Variants in SMYD3 observed in about 807,000 individuals in gnomAD.
SMYD3 encodes SET and MYND domain containing 3.
SMYD3 carries 36 observed loss-of-function variants against 57.7 expected under a neutral mutation model. The ratio of observed to expected loss-of-function variants is 0.62; its 90% CI spans 0.48 to 0.82. The LOEUF (loss-of-function observed/expected upper bound fraction) is 0.82. SMYD3 is among the 40% of genes least tolerant of loss of function. The probability of loss-of-function intolerance (pLI) is 0.00; values close to 1 mark genes in which losing one functional copy is unlikely to be tolerated. For missense variants in SMYD3, 515 were observed against 538.8 expected, an observed-to-expected ratio of 0.96 and a Z score of 0.44; for synonymous variants, 211 against 195.0, an observed-to-expected ratio of 1.08 and a Z score of -0.68.
chr1:246,362,873 CCGG>C (rs1410373148), intron 1 of SMYD3, among the ~76,000 whole-genome samples: 4 of 152,046 alleles, frequency 2.6e-5, no homozygotes, highest in African/African-American at 4.8e-5. Context: ...CAGCCTCTGC[CCGG>C]CCGCCACCCC....
At chr1:246,410,809 T>C (rs1026189421) in intron 1 of SMYD3, among the ~76,000 whole-genome samples, 36 of 152,112 alleles carry the variant, frequency 2.4e-4, no homozygotes, top group African/African-American at 8.7e-4. Context: ...CTGGACTTTT[T>C]TTGGTTGGTA....
chr1:246,473,669 AT>A (rs1331465167), intron 1 of SMYD3, among the ~76,000 whole-genome samples: 1 of 152,190 alleles, frequency 6.6e-6, no homozygotes, highest in Non-Finnish European at 1.5e-5. Flanking sequence ...TTTATGACAT[AT>A]TGTTATTATT....
At chr1:245,851,952 T>C (rs1001894718) in intron 10 of SMYD3, among the ~76,000 whole-genome samples, 3 of 152,168 alleles carry the variant, frequency 2.0e-5, no homozygotes, top group Non-Finnish European at 4.4e-5. Context: ...AAGCAATGAA[T>C]GGGTCACCTC....
At chr1:246,354,806 T>C (rs1452344088) in intron 2 of SMYD3, among the ~76,000 whole-genome samples, 3 of 152,188 alleles carry the variant, frequency 2.0e-5, no homozygotes, top group African/African-American at 7.2e-5. Flanking sequence ...TACTTTCACA[T>C]AGTAGACATA....
At chr1:246,336,448 G>T (rs954125616) in intron 2 of SMYD3, among the ~76,000 whole-genome samples, 4 of 151,930 alleles carry the variant, frequency 2.6e-5, no homozygotes, top group Non-Finnish European at 2.9e-5. Context: ...TCAATTTCTG[G>T]GTCTACAAAA....
chr1:246,034,459 A>G lies in SMYD3; in HGVS notation c.532-104522T>C, dbSNP rs1258446604. Reference sequence around the variant, plus strand: ...CAAAAAAGATGAATCAAGGCCAAAAATTAATTGGCATGCTCTTTTACAGAC... The same window carrying G: ...CAAAAAAGATGAATCAAGGCCAAAAGTTAATTGGCATGCTCTTTTACAGAC... On this transcript the variant is annotated intron_variant, in intron 5 of 11. Coordinates refer to ENST00000490107, the MANE Select transcript of SMYD3 (RefSeq NM_001167740.2). The G allele has an allele frequency of 4.6e-5, 7 of 152,358 alleles. No individual in the cohort carries two copies. The East Asian group carries it at 1.3e-3, about 29-fold the overall frequency. 9.4% of individuals were successfully genotyped at this position (152,358 alleles called of 1,614,324 possible). A position where few individuals can be genotyped will look rare whatever the true frequency, so the allele number is the denominator to read the frequency against.
chr1:246,252,409 T>C (rs990050273), intron 5 of SMYD3, among the ~76,000 whole-genome samples: 2 of 152,228 alleles, frequency 1.3e-5, no homozygotes, highest in African/African-American at 4.8e-5. Flanking sequence ...TTATAACCAT[T>C]TGACAGATAA....
intron 3 of SMYD3, among the ~76,000 whole-genome samples, chr1:246,333,663 C>T (rs2065496385): frequency 6.6e-6 from 1 of 151,884 alleles, no homozygotes; most frequent in South Asian, 2.1e-4. Context: ...TTCTTGAGCC[C>T]AGGAGTTTGA....
chr1:245,940,432 C>A (rs1025696098), intron 5 of SMYD3, among the ~76,000 whole-genome samples: 1 of 152,164 alleles, frequency 6.6e-6, no homozygotes, highest in Non-Finnish European at 1.5e-5. Flanking sequence ...GAGGAAGGGG[C>A]AGGCAGCCAT....
intron 5 of SMYD3, among the ~76,000 whole-genome samples, chr1:246,045,857 A>C (rs2059954868): frequency 6.6e-6 from 1 of 152,260 alleles, no homozygotes; most frequent in African/African-American, 2.4e-5. Context: ...TTATGCAGCC[A>C]ACAGACACAT....
At chr1:246,109,967 G>A (rs1049007346) in intron 5 of SMYD3, 2 of 152,222 alleles carry the variant, frequency 1.3e-5, no homozygotes, top group African/African-American at 4.8e-5. Context: ...TTGAGATAAG[G>A]ATAGGAGCTG....
chr1:246,151,058 C>G (rs2061933889), intron 5 of SMYD3, among the ~76,000 whole-genome samples: 1 of 152,038 alleles, frequency 6.6e-6, no homozygotes, highest in Admixed American at 6.5e-5. Flanking sequence ...CCAGCCTGGC[C>G]AAGATGGTGA....
intron 5 of SMYD3, among the ~76,000 whole-genome samples, chr1:246,174,158 G>A (rs1171332016): frequency 6.6e-6 from 1 of 151,968 alleles, no homozygotes; most frequent in Non-Finnish European, 1.5e-5. Context: ...AAGGATAAAA[G>A]TATAATATAG....
chr1:246,098,385 G>A lies in SMYD3; in HGVS notation c.532-168448C>T, dbSNP rs1034372069. 2.6e-5 allele frequency among the ~76,000 whole-genome samples: 4 copies of A among 152,162 alleles called. 1 individual carries two copies. Among genetic ancestry groups the A allele is most frequent in the African/African-American group, 9.7e-5 (4 of 41,434 alleles). On this transcript the variant is annotated intron_variant, in intron 5 of 11. Coordinates refer to ENST00000490107, the MANE Select transcript of SMYD3 (RefSeq NM_001167740.2). ...CGTTCGAAATCCTGCTGTGTGAAGA[G>A]GGTTCAGAGAGGCCAAAAGGCACCA...
At chr1:246,455,056 G>A (rs547087770) in intron 1 of SMYD3, among the ~76,000 whole-genome samples, 1 of 152,160 alleles carries the variant, frequency 6.6e-6, no homozygotes, top group Non-Finnish European at 1.5e-5. Flanking sequence ...TTATGATGCT[G>A]TGCTCAGTGC....
At chr1:246,208,633 G>A (rs867612714) in intron 5 of SMYD3, among the ~76,000 whole-genome samples, 10 of 152,238 alleles carry the variant, frequency 6.6e-5, no homozygotes, top group Admixed American at 2.0e-4. Context: ...AAAAACATAC[G>A]TCTAGAAAAC....
chr1:246,063,795 A>G (rs1166919387), intron 5 of SMYD3, among the ~76,000 whole-genome samples: 1 of 152,016 alleles, frequency 6.6e-6, no homozygotes, highest in Non-Finnish European at 1.5e-5. Flanking sequence ...GCATGCCACC[A>G]TGCCTGGCTA....
chr1:246,246,984 TA>T (rs2063714980), intron 5 of SMYD3, among the ~76,000 whole-genome samples: 1 of 152,196 alleles, frequency 6.6e-6, no homozygotes, highest in Non-Finnish European at 1.5e-5. Flanking sequence ...AGTTATATGT[TA>T]AAATACGAAG....
chr1:246,219,962 G>A (rs2063227102), intron 5 of SMYD3, among the ~76,000 whole-genome samples: 1 of 152,180 alleles, frequency 6.6e-6, no homozygotes, highest in Admixed American at 6.5e-5. Flanking sequence ...ACTCCCTCCT[G>A]TGAGGAGCTG....
Sources: gnomAD v4.1 joint callset for allele counts (sites outside exome capture counted in the v4.1 genomes callset) on GRCh38, gnomAD v4.1.1 for gene constraint, MANE v1.5 for transcripts, NCBI Gene and HGNC (gene_info 2026-07-23, HGNC 2026-07-21) for gene names.